Variants in VWA3B observed in about 807,000 individuals in gnomAD.
VWA3B encodes von Willebrand factor A domain containing 3B, also known as von Willebrand factor A domain-containing protein 3B.
In VWA3B, 138 loss-of-function variants were observed where a neutral mutation model predicts 158.3. The ratio of observed to expected loss-of-function variants is 0.87; its 90% CI spans 0.76 to 1.00. The LOEUF is 1.00. VWA3B is among the 50% of genes least tolerant of loss of function. The pLI is 0.00. For synonymous variants in VWA3B, 596 were observed against 587.3 expected (o/e 1.01, Z -0.21); for missense variants, 1,555 against 1,565.1 (o/e 0.99, Z 0.11).
Position 98,312,366 on chromosome 2 carries a change from C to T in VWA3B, c.*17C>T, listed in dbSNP as rs1439144536. The T allele has an allele frequency of 1.3e-6, 2 of 1,598,760 alleles. No homozygotes were observed. The highest frequency in any genetic ancestry group is 1.7e-6 in the Non-Finnish European group (2 of 1,170,480). ...ACACTTTAAGGCCGTCTGGTGGCAG[C>T]TATGTTTAAGAGACCAGCGTCCTTC... is the stretch of plus-strand genomic sequence containing the variant. On this transcript the variant is annotated 3_prime_UTR_variant, in exon 28 of 28. Coordinates refer to ENST00000477737, the MANE Select transcript of VWA3B (RefSeq NM_144992.5).
chr2:98,302,069 G>A lies in VWA3B; in HGVS notation c.3421-1633G>A, dbSNP rs140175860. ...GCTTCGTGTCACCCTCAGGGAGTAT[G>A]CCCCCAGGACCCCAGTGTGGCCCCA... On this transcript the variant is annotated intron_variant, in intron 25 of 27. Transcript: ENST00000477737. 2.0e-5 allele frequency among the ~76,000 whole-genome samples: 3 copies of A among 152,220 alleles called. No homozygotes were observed. The East Asian group carries it at 5.8e-4, about 29-fold the overall frequency.
At chr2:98,099,638 A>G (rs1285559656) in intron 2 of VWA3B, among the ~76,000 whole-genome samples, 1 of 152,064 alleles carries the variant, frequency 6.6e-6, no homozygotes, top group African/African-American at 2.4e-5. Context: ...CAGGTTTGGA[A>G]AGTTTCCTGC....
intron 14 of VWA3B, among the ~76,000 whole-genome samples, chr2:98,223,725 T>A (rs1684692606): frequency 1.3e-5 from 2 of 152,154 alleles, no homozygotes; most frequent in African/African-American, 4.8e-5. Flanking sequence ...ATTTTACTTT[T>A]ATTTTATTTT....
At chr2:98,246,005 A>G (rs1686366969) in intron 19 of VWA3B, among the ~76,000 whole-genome samples, 1 of 152,184 alleles carries the variant, frequency 6.6e-6, no homozygotes. Context: ...GTTAAGTAGC[A>G]AGATTGGACT....
chr2:98,252,478 C>T (rs539178701), intron 20 of VWA3B, among the ~76,000 whole-genome samples: 5 of 152,192 alleles, frequency 3.3e-5, no homozygotes, highest in Middle Eastern at 3.4e-3. Flanking sequence ...GATAGAGCTT[C>T]GTGGTCAGAT....
chr2:98,217,869 G>T lies in VWA3B; in HGVS notation c.1860G>T (p.Gln620His). 6.2e-7 allele frequency: 1 copy of T among 1,608,560 alleles called. No individual in the cohort carries two copies. Among genetic ancestry groups the T allele is most frequent in the Non-Finnish European group, 8.5e-7 (1 of 1,178,148 alleles). Residue 620 changes from glutamine (Q) to histidine (H), a missense_variant, in exon 14 of 28, where the codon CAG becomes CAT. Physicochemically the swap from Gln to His is conservative, Grantham distance 24. Coordinates refer to ENST00000477737, the MANE Select transcript of VWA3B (RefSeq NM_144992.5). The part of the protein sequence containing the change: ...PDQPPETVID[Q>H]VKRFQEIPIY... ...AGCCACCTGAAACAGTTATAGACCA[G>T]GTCAAACGTTTTCAGGAAATTCCTA...
intron 26 of VWA3B, among the ~76,000 whole-genome samples, chr2:98,310,524 T>C (rs1245430185): frequency 1.3e-5 from 2 of 152,244 alleles, no homozygotes; most frequent in East Asian, 3.9e-4. Flanking sequence ...TAATCATGGA[T>C]CCTAACTCAT....
chr2:98,123,370 T>G (rs1198488454), intron 5 of VWA3B, among the ~76,000 whole-genome samples: 2 of 152,158 alleles, frequency 1.3e-5, no homozygotes, highest in Non-Finnish European at 2.9e-5. Context: ...CAAGTCCCGT[T>G]TCTATACCAA....
At chr2:98,300,800 C>T (rs1426341482) in intron 25 of VWA3B, among the ~76,000 whole-genome samples, 1 of 152,132 alleles carries the variant, frequency 6.6e-6, no homozygotes, top group East Asian at 1.9e-4. Context: ...GCATCTCAGA[C>T]TCCGCAAGCC....
intron 2 of VWA3B, among the ~76,000 whole-genome samples, chr2:98,109,605 C>T (rs952481729): frequency 6.6e-6 from 1 of 152,232 alleles, no homozygotes; most frequent in East Asian, 1.9e-4. Context: ...TTACTGTGTT[C>T]GTCTTTCCTG....
intron 8 of VWA3B, among the ~76,000 whole-genome samples, chr2:98,172,124 G>A (rs936239312): frequency 1.3e-5 from 2 of 152,222 alleles, no homozygotes; most frequent in African/African-American, 2.4e-5. Flanking sequence ...CTACCTTGTC[G>A]CAAGGACAGA....
chr2:98,109,913 A>AT (rs946005680), intron 2 of VWA3B, among the ~76,000 whole-genome samples: 2 of 150,700 alleles, frequency 1.3e-5, no homozygotes, highest in Admixed American at 1.3e-4. Context: ...TGCTTTAAAG[A>AT]TTTTTTTATT....
chr2:98,253,022 T>A (rs997410028), intron 20 of VWA3B, among the ~76,000 whole-genome samples: 1 of 152,208 alleles, frequency 6.6e-6, no homozygotes, highest in Admixed American at 6.5e-5. Context: ...TAATTTGATG[T>A]TTGTATCAAG....
At chr2:98,268,602 GTTTTC>G (rs1278144172) in intron 21 of VWA3B, among the ~76,000 whole-genome samples, 2 of 147,490 alleles carry the variant, frequency 1.4e-5, no homozygotes, top group Admixed American at 1.3e-4. Flanking sequence ...TGTTGTCTCT[GTTTTC>G]TTTTAGCTCA....
In VWA3B at chr2:98,224,397, T is replaced by G. The variant is rs1474909077; in HGVS notation, c.2020-3805T>G. ...TCACCTAACACTGAAGACAATAATA[T>G]TTAAAGCTGGAGAAGGTAAAGGGAC... is the stretch of plus-strand genomic sequence containing the variant. On this transcript the variant is annotated intron_variant, in intron 14 of 27. Coordinates refer to ENST00000477737, the MANE Select transcript of VWA3B (RefSeq NM_144992.5). 8.5e-5 allele frequency among the ~76,000 whole-genome samples: 13 copies of G among 152,286 alleles called. No individual in the cohort carries two copies. In the East Asian group the frequency reaches 2.3e-3, roughly 27 times the overall value.
intron 13 of VWA3B, among the ~76,000 whole-genome samples, chr2:98,215,769 G>A (rs1207559405): frequency 6.6e-6 from 1 of 152,070 alleles, no homozygotes; most frequent in Non-Finnish European, 1.5e-5. Context: ...GCCCACCTCG[G>A]CCTCTCAAAG....
At chr2:98,288,763 G>A (rs1689315361) in intron 22 of VWA3B, among the ~76,000 whole-genome samples, 1 of 151,882 alleles carries the variant, frequency 6.6e-6, no homozygotes, top group Non-Finnish European at 1.5e-5. Context: ...TTATTCTGTT[G>A]GCTGCATTTG....
At chr2:98,220,889 A>G (rs147528489) in intron 14 of VWA3B, among the ~76,000 whole-genome samples, 179 of 152,260 alleles carry the variant, frequency 1.2e-3, no homozygotes, top group Admixed American at 2.9e-3. Context: ...CACACACCGC[A>G]TGTTCTCACT....
intron 3 of VWA3B, 23 bp from the exon 4 acceptor site, chr2:98,119,490 T>C: frequency 6.2e-7 from 1 of 1,609,896 alleles, no homozygotes; most frequent in Non-Finnish European, 8.5e-7. Context: ...GTTTTATTGT[T>C]TTTGTCTTTT....
Sources: allele counts gnomAD v4.1 joint callset (sites outside exome capture counted in the v4.1 genomes callset), GRCh38; gene constraint gnomAD v4.1.1; transcripts MANE v1.5; gene names NCBI Gene and HGNC (gene_info 2026-07-23, HGNC 2026-07-21).